Variants in HCN1 observed in about 807,000 individuals in gnomAD.
HCN1 encodes hyperpolarization activated cyclic nucleotide gated potassium channel 1, also known as potassium/sodium hyperpolarization-activated cyclic nucleotide-gated channel 1.
In HCN1, 13 loss-of-function variants were observed where a neutral mutation model predicts 78.9. That is an observed-to-expected ratio of 0.16 (90% CI 0.11 to 0.26). HCN1 has a LOEUF of 0.26. Ranked by LOEUF, HCN1 falls within the 10% of genes least tolerant of loss-of-function variation. The pLI is 1.00. For synonymous variants in HCN1, 552 were observed against 455.5 expected, an observed-to-expected ratio of 1.21 and a Z score of -2.70; for missense variants, 810 against 1,154.3, an observed-to-expected ratio of 0.70 and a Z score of 4.32.
At chr5:45,652,879 A>AT (rs1745703732) in intron 1 of HCN1, among the ~76,000 whole-genome samples, 2 of 151,756 alleles carry the variant, frequency 1.3e-5, no homozygotes, top group Non-Finnish European at 1.5e-5. Context: ...CTAATACAAT[A>AT]TTTTTCAAAT....
chr5:45,500,720 CA>C (rs1203455410), intron 2 of HCN1, among the ~76,000 whole-genome samples: 1 of 152,074 alleles, frequency 6.6e-6, no homozygotes, highest in Non-Finnish European at 1.5e-5. Context: ...CAAAATCACA[CA>C]AAAAGTTTTA....
At chr5:45,440,005 A>G (rs1400417832) in intron 3 of HCN1, among the ~76,000 whole-genome samples, 1 of 148,442 alleles carries the variant, frequency 6.7e-6, no homozygotes, top group Non-Finnish European at 1.5e-5. Flanking sequence ...AATATTATAT[A>G]ATGTATTATA....
At chr5:45,664,689 C>T (rs1449045469) in intron 1 of HCN1, among the ~76,000 whole-genome samples, 5 of 151,878 alleles carry the variant, frequency 3.3e-5, no homozygotes, top group African/African-American at 7.3e-5. Flanking sequence ...CCAAAAAACA[C>T]ATGAAAAAAT....
At chr5:45,680,775 G>A (rs1359675776) in intron 1 of HCN1, among the ~76,000 whole-genome samples, 1 of 151,958 alleles carries the variant, frequency 6.6e-6, no homozygotes, top group Admixed American at 6.6e-5. Flanking sequence ...TAATTAAATA[G>A]GGTTGGTAAA....
intron 6 of HCN1, among the ~76,000 whole-genome samples, chr5:45,286,234 T>C (rs1385078539): frequency 6.6e-6 from 1 of 151,914 alleles, no homozygotes; most frequent in Non-Finnish European, 1.5e-5. Context: ...TATTAGAAAT[T>C]ATAAGTGCAA....
At chr5:45,421,611 G>T (rs901888787) in intron 3 of HCN1, among the ~76,000 whole-genome samples, 1 of 151,850 alleles carries the variant, frequency 6.6e-6, no homozygotes, top group Non-Finnish European at 1.5e-5. Context: ...AAAATATATT[G>T]GTTTGATTTA....
chr5:45,576,395 C>A (rs1743945492), intron 2 of HCN1: 1 of 152,110 alleles, frequency 6.6e-6, no homozygotes, highest in Non-Finnish European at 1.5e-5. Flanking sequence ...TTTAGAAGTT[C>A]TACCATGTGT....
chr5:45,600,784 C>T (rs1201194951), intron 2 of HCN1, among the ~76,000 whole-genome samples: 1 of 152,134 alleles, frequency 6.6e-6, no homozygotes, highest in African/African-American at 2.4e-5. Context: ...GTATTCCAGC[C>T]AGTGACTGTT....
intron 5 of HCN1, among the ~76,000 whole-genome samples, chr5:45,321,381 A>G (rs1229217775): frequency 6.6e-6 from 1 of 151,846 alleles, no homozygotes; most frequent in Non-Finnish European, 1.5e-5. Flanking sequence ...TGGTGCTTAG[A>G]GAGAGGAAAA....
intron 5 of HCN1, among the ~76,000 whole-genome samples, chr5:45,350,276 C>T (rs975042102): frequency 6.6e-6 from 1 of 152,124 alleles, no homozygotes; most frequent in Admixed American, 6.5e-5. Context: ...ACAAAAACTA[C>T]ATGATTATCT....
intron 2 of HCN1, among the ~76,000 whole-genome samples, chr5:45,533,335 G>A (rs1356676796): frequency 6.6e-6 from 1 of 152,048 alleles, no homozygotes; most frequent in Non-Finnish European, 1.5e-5. Context: ...TAAAATCTTA[G>A]ACTCCAAGTC....
chr5:45,396,955 G>A (rs531629262), intron 3 of HCN1, among the ~76,000 whole-genome samples: 1 of 152,248 alleles, frequency 6.6e-6, no homozygotes, highest in South Asian at 2.1e-4. Context: ...TAAGTTTGCT[G>A]TTTTTAAAAC....
rs1247631156 is a variant in HCN1, at chr5:45,495,455, C to A, written c.850-33448G>T. On this transcript the variant is annotated intron_variant, in intron 2 of 7. Transcript: ENST00000303230. ...TGATTTTTGTACATTGATTTTGTAT[C>A]CTGAGACTTTGCTGAAGTTGCTTAT... Among the ~76,000 whole-genome samples the A allele has an allele frequency of 2.7e-5, 4 of 149,490 alleles. No homozygotes were observed. The South Asian group carries it at 8.5e-4, about 32-fold the overall frequency.
intron 5 of HCN1, among the ~76,000 whole-genome samples, chr5:45,323,460 T>A (rs1385609214): frequency 6.6e-6 from 1 of 151,908 alleles, no homozygotes; most frequent in Non-Finnish European, 1.5e-5. Flanking sequence ...TAGAAGGGAA[T>A]GAAAAATAAA....
intron 4 of HCN1, among the ~76,000 whole-genome samples, chr5:45,372,319 T>C (rs1294066981): frequency 2.0e-5 from 2 of 100,608 alleles, no homozygotes; most frequent in African/African-American, 8.3e-5. Context: ...ATGTGAAATA[T>C]ATATGTTATA....
intron 2 of HCN1, among the ~76,000 whole-genome samples, chr5:45,510,089 A>G (rs1742383013): frequency 6.6e-6 from 1 of 152,124 alleles, no homozygotes; most frequent in Admixed American, 6.6e-5. Context: ...ACTTGAATGA[A>G]AAGACAACCT....
chr5:45,521,080 G>A (rs530922912), intron 2 of HCN1, among the ~76,000 whole-genome samples: 4 of 151,694 alleles, frequency 2.6e-5, no homozygotes, highest in African/African-American at 9.7e-5. Context: ...CTTGAGGCTT[G>A]TACCATCTGG....
chr5:45,478,686 TAGA>T (rs1490968113), intron 2 of HCN1, among the ~76,000 whole-genome samples: 4 of 151,982 alleles, frequency 2.6e-5, no homozygotes, highest in African/African-American at 9.7e-5. Flanking sequence ...CAGAACAGAG[TAGA>T]AGAAGCTTCC....
chr5:45,500,414 G>A (rs545199546), intron 2 of HCN1, among the ~76,000 whole-genome samples: 5 of 152,184 alleles, frequency 3.3e-5, no homozygotes, highest in African/African-American at 7.2e-5. Context: ...AAAATAAAAT[G>A]TTTATGAAGA....
Sources: allele counts gnomAD v4.1 joint callset (sites outside exome capture counted in the v4.1 genomes callset), GRCh38; gene constraint gnomAD v4.1.1; transcripts MANE v1.5; gene names NCBI Gene and HGNC (gene_info 2026-07-23, HGNC 2026-07-21).